KRT8: variants seen among roughly 807,000 people sequenced by gnomAD.
KRT8 encodes keratin, type II cytoskeletal 8.
KRT8 carries 24 observed loss-of-function variants against 43.0 expected under a neutral mutation model. The observed-to-expected ratio is 0.56, with a 90% CI of 0.40 to 0.78. KRT8 has a LOEUF of 0.78. Among genes scored for constraint, KRT8 ranks in the 30% least tolerant of loss-of-function variants. The pLI, the probability that KRT8 is intolerant of heterozygous loss-of-function variation, is 0.00. For missense variants in KRT8, 492 were observed against 638.4 expected (o/e 0.77, Z 2.47); for synonymous variants, 214 against 261.2 (o/e 0.82, Z 1.74).
intron 2 of KRT8, among the ~76,000 whole-genome samples, chr12:52,927,391 G>A (rs1942012247): frequency 6.6e-6 from 1 of 152,192 alleles, no homozygotes; most frequent in Non-Finnish European, 1.5e-5. Flanking sequence ...GGGAAAGGGT[G>A]GGGAGCCTGG....
At chr12:52,916,540 G>A (rs551705433) in intron 2 of KRT8, among the ~76,000 whole-genome samples, 1 of 152,226 alleles carries the variant, frequency 6.6e-6, no homozygotes, top group Non-Finnish European at 1.5e-5. Context: ...GACAGAGCAG[G>A]TTCCTCCAGC....
intron 2 of KRT8, among the ~76,000 whole-genome samples, chr12:52,923,437 T>C (rs1342885462): frequency 1.3e-5 from 2 of 152,106 alleles, no homozygotes; most frequent in East Asian, 3.9e-4. Context: ...GTTTTGTTTT[T>C]GAGATGGAGT....
upstream of KRT8, among the ~76,000 whole-genome samples, chr12:52,911,351 C>G (rs1252432153): frequency 6.8e-6 from 1 of 147,418 alleles, no homozygotes. Flanking sequence ...GACTCCGTCT[C>G]AAAAAAAAAA....
At position 52,946,228 on chromosome 12, in the gene KRT8, A is replaced by G. The variant is rs889306266; in HGVS notation, c.-47+3228T>C. On this transcript the variant is annotated intron_variant, in intron 2 of 6. Transcript: ENST00000546826. ...AATTAGCTTGGAGAAAAATTCTAGA[A>G]TCTGTTTTGATTGCTGGTAGATTTC... Among the ~76,000 whole-genome samples the G allele has an allele frequency of 2.0e-5, 3 of 152,026 alleles. No individual in the cohort carries two copies. The South Asian group carries it at 6.2e-4, about 32-fold the overall frequency.
At chr12:52,902,672 G>A (rs12809813) in intron 1 of KRT8, among the ~76,000 whole-genome samples, 56,148 of 151,794 alleles carry the variant, frequency 0.37, 10,689 homozygotes, top group Middle Eastern at 0.41. Flanking sequence ...ATAGGCGTAA[G>A]CCACCGCGCC....
At chr12:52,899,026 G>A (rs1421467436) in intron 5 of KRT8, 127 bp from the exon 6 acceptor site, 1 of 833,254 alleles carries the variant, frequency 1.2e-6, no homozygotes, top group Non-Finnish European at 2.0e-6. Context: ...AATTAAATGA[G>A]ACTAAGGGCC....
intron 2 of KRT8, chr12:52,901,586 A>G (rs2120561877): frequency 1.7e-6 from 1 of 573,148 alleles, no homozygotes; most frequent in Non-Finnish European, 3.1e-6. Context: ...CAGGCTGCCT[A>G]TCTCTCCCGT....
At chr12:52,917,887 A>AAGAAGAAGG (rs1347091890) in intron 2 of KRT8, among the ~76,000 whole-genome samples, 3 of 150,650 alleles carry the variant, frequency 2.0e-5, no homozygotes, top group African/African-American at 7.3e-5. Flanking sequence ...TCAAAAGAAG[A>AAGAAGAAGG]AGAAGAAGGA....
chr12:52,904,208 C>T (rs1043825971), intron 1 of KRT8, among the ~76,000 whole-genome samples: 1 of 152,092 alleles, frequency 6.6e-6, no homozygotes, highest in Admixed American at 6.5e-5. Context: ...AGAGGCGAAC[C>T]TGGAGGAGGG....
At chr12:52,900,153 C>A (rs1195048583) in intron 4 of KRT8, 88 bp from the exon 5 acceptor site, 9 of 1,361,806 alleles carry the variant, frequency 6.6e-6, no homozygotes, top group Non-Finnish European at 9.1e-6. Flanking sequence ...GGGTATAAGA[C>A]AGGGGCAGCA....
At position 52,918,203 on chromosome 12, in the gene KRT8, A is replaced by AAGAAGAAGAAGAAGAAGAAGG. The variant is rs1565725692; in HGVS notation, c.-46-13177_-46-13176insCCTTCTTCTTCTTCTTCTTCT. On this transcript the variant is annotated intron_variant, in intron 2 of 6. Transcript: ENST00000546826. ...GAGGAAGAAGAAGAAGAAGAAGAAG[A>AAGAAGAAGAAGAAGAAGAAGG]ACAAGAAGAAGAAGAAGAAGAAGAA... Among the ~76,000 whole-genome samples the AAGAAGAAGAAGAAGAAGAAGG allele has an allele frequency of 5.2e-5, 6 of 116,034 alleles. 1 individual carries two copies. The highest frequency in any genetic ancestry group is 8.3e-5 in the Admixed American group (1 of 11,984). 76.1% of individuals were successfully genotyped at this position (116,034 alleles called of 152,430 possible). A position where few individuals can be genotyped will look rare whatever the true frequency, so the allele number is the denominator to read the frequency against.
intron 2 of KRT8, among the ~76,000 whole-genome samples, chr12:52,931,610 C>T (rs1170445931): frequency 6.6e-6 from 1 of 151,880 alleles, no homozygotes; most frequent in African/African-American, 2.4e-5. Flanking sequence ...CTAACCTTTC[C>T]CACTTTATCT....
chr12:52,903,863 C>G (rs1482225877), intron 1 of KRT8, among the ~76,000 whole-genome samples: 1 of 101,496 alleles, frequency 9.9e-6, no homozygotes, highest in East Asian at 2.3e-4. Context: ...CCCCAGCCCA[C>G]CCCACCCCAC....
upstream of KRT8, among the ~76,000 whole-genome samples, chr12:52,911,231 A>T (rs1941630836): frequency 6.6e-6 from 1 of 152,162 alleles, no homozygotes; most frequent in Non-Finnish European, 1.5e-5. Flanking sequence ...GGGCACCTGT[A>T]ATCCCAGCTA....
At chr12:52,934,261 A>C (rs941662733) in intron 2 of KRT8, among the ~76,000 whole-genome samples, 1 of 151,142 alleles carries the variant, frequency 6.6e-6, no homozygotes. Context: ...AAAAGGAAGG[A>C]GAAGGAGAAG....
At chr12:52,923,818 A>G (rs184640829) in intron 2 of KRT8, among the ~76,000 whole-genome samples, 33 of 152,158 alleles carry the variant, frequency 2.2e-4, no homozygotes, top group Admixed American at 1.9e-3. Flanking sequence ...TGAATTGCCT[A>G]AAGTGCTTGC....
At chr12:52,900,769 G>A (rs1156611480) in intron 3 of KRT8, 86 bp from the exon 4 acceptor site, 1 of 887,494 alleles carries the variant, frequency 1.1e-6, no homozygotes, top group Non-Finnish European at 1.9e-6. Flanking sequence ...CAATGGCCTG[G>A]TCACAGGACT....
At chr12:52,905,202 G>C, upstream of KRT8, 5 of 768,432 alleles carry the variant, frequency 6.5e-6, no homozygotes, top group Non-Finnish European at 7.9e-6. Context: ...ACTCAGGTGG[G>C]GGCAGCAGAG....
intron 2 of KRT8, among the ~76,000 whole-genome samples, chr12:52,933,407 G>T (rs1456818817): frequency 1.3e-5 from 2 of 152,148 alleles, no homozygotes; most frequent in Non-Finnish European, 2.9e-5. Flanking sequence ...ATTAATGAGA[G>T]AAATTAAAGA....
Sources: gnomAD v4.1 joint callset for allele counts (sites outside exome capture counted in the v4.1 genomes callset) on GRCh38, gnomAD v4.1.1 for gene constraint, MANE v1.5 for transcripts, NCBI Gene and HGNC (gene_info 2026-07-23, HGNC 2026-07-21) for gene names.